Variants in STON2 observed in about 807,000 individuals in gnomAD.
The protein encoded by STON2 is stonin 2.
In STON2, 29 loss-of-function variants were observed where a neutral mutation model predicts 65.7. The observed-to-expected ratio is 0.44, with a 90% CI of 0.33 to 0.60. The LOEUF (loss-of-function observed/expected upper bound fraction) is 0.60. Among genes scored for constraint, STON2 ranks in the 20% least tolerant of loss-of-function variants. The probability of loss-of-function intolerance (pLI) is 0.03; values close to 1 mark genes in which losing one functional copy is unlikely to be tolerated. For synonymous variants in STON2, 404 were observed against 414.2 expected (o/e 0.98, Z 0.30); for missense variants, 1,054 against 1,118.1 (o/e 0.94, Z 0.82).
chr14:81,314,980 G>A (rs904719845), intron 5 of STON2, among the ~76,000 whole-genome samples: 5 of 152,154 alleles, frequency 3.3e-5, no homozygotes, highest in African/African-American at 4.8e-5. Flanking sequence ...AAAGTGTTGG[G>A]ATTACAGGCG....
intron 4 of STON2, among the ~76,000 whole-genome samples, chr14:81,362,303 T>G (rs1417483017): frequency 6.6e-6 from 1 of 152,142 alleles, no homozygotes; most frequent in Non-Finnish European, 1.5e-5. Context: ...TATTTAGCCT[T>G]TAAAAAGAAA....
At chr14:81,428,116 G>A (rs190151090) in intron 1 of STON2, among the ~76,000 whole-genome samples, 1 of 152,286 alleles carries the variant, frequency 6.6e-6, no homozygotes, top group East Asian at 1.9e-4. Context: ...ACTCAGCAGT[G>A]GACGTAAAAC....
chr14:81,280,733 G>A (rs560649140), intron 5 of STON2, among the ~76,000 whole-genome samples: 20 of 152,148 alleles, frequency 1.3e-4, no homozygotes, highest in Non-Finnish European at 2.5e-4. Context: ...AGGCTAGGCC[G>A]GGCACGGTGG....
At chr14:81,274,126 C>T (rs1894710756) in intron 6 of STON2, among the ~76,000 whole-genome samples, 1 of 152,126 alleles carries the variant, frequency 6.6e-6, no homozygotes, top group East Asian at 1.9e-4. Context: ...AGATCCTATA[C>T]ACCTCAAGTT....
chr14:81,345,717 T>C (rs1897785130), intron 4 of STON2, among the ~76,000 whole-genome samples: 1 of 151,990 alleles, frequency 6.6e-6, no homozygotes, highest in Non-Finnish European at 1.5e-5. Context: ...ACCAAGATCA[T>C]GCTGCTGCAC....
In STON2 at chr14:81,267,614, CT is replaced by C; in HGVS notation, c.*799del. On this transcript the variant is annotated 3_prime_UTR_variant, in exon 8 of 8. Transcript: ENST00000614646. ...ACTGAGATTGAATCTACCTCTTGAA[CT>C]GAACATCATCTTATATTTAATGTCT... is the stretch of plus-strand genomic sequence containing the variant. 1.0e-6 allele frequency: 1 copy of C among 985,362 alleles called. No homozygotes were observed. The highest frequency in any genetic ancestry group is 1.2e-6 in the Non-Finnish European group (1 of 829,914). 61.0% of individuals were successfully genotyped at this position (985,362 alleles called of 1,614,324 possible). A position where few individuals can be genotyped will look rare whatever the true frequency, so the allele number is the denominator to read the frequency against.
intron 5 of STON2, among the ~76,000 whole-genome samples, chr14:81,283,744 T>C (rs1221360483): frequency 6.6e-6 from 1 of 152,164 alleles, no homozygotes; most frequent in African/African-American, 2.4e-5. Context: ...TTAGCCAGGA[T>C]GGTCTCGATC....
chr14:81,326,343 C>T (rs1871247889), intron 4 of STON2, among the ~76,000 whole-genome samples: 2 of 152,112 alleles, frequency 1.3e-5, no homozygotes, highest in South Asian at 4.2e-4. Flanking sequence ...ATCTAATAAT[C>T]ATGTAAAATA....
chr14:81,427,593 C>T (rs1902042829), intron 1 of STON2, among the ~76,000 whole-genome samples: 2 of 152,042 alleles, frequency 1.3e-5, no homozygotes, highest in African/African-American at 4.8e-5. Context: ...CACAGCCCCG[C>T]CTATGCCAAT....
At chr14:81,356,377 A>C (rs1898232373) in intron 4 of STON2, among the ~76,000 whole-genome samples, 1 of 152,208 alleles carries the variant, frequency 6.6e-6, no homozygotes, top group South Asian at 2.1e-4. Flanking sequence ...CGTGGTGGAT[A>C]AGCTTTTTGA....
Position 81,413,020 on chromosome 14 carries a change from G to A in STON2, c.-199+14082C>T, listed in dbSNP as rs1233168397. ...AAAATGCGGACATGTCGGAAGAGAC[G>A]CAGCAGAACTCGGTGGAGTGCGCTC... On this transcript the variant is annotated intron_variant, in intron 2 of 8. Coordinates refer to the STON2 transcript ENST00000553821. 1.1e-5 allele frequency: 12 copies of A among 1,059,952 alleles called. 2 individuals carry two copies. In the East Asian group the frequency reaches 1.2e-4, roughly 11 times the overall value. 65.7% of individuals were successfully genotyped at this position (1,059,952 alleles called of 1,614,324 possible). A position where few individuals can be genotyped will look rare whatever the true frequency, so the allele number is the denominator to read the frequency against.
chr14:81,325,356 G>A (rs1896969316), intron 4 of STON2, among the ~76,000 whole-genome samples: 1 of 152,108 alleles, frequency 6.6e-6, no homozygotes, highest in Admixed American at 6.5e-5. Context: ...AGGACCTACA[G>A]TGTGCCACGT....
intron 4 of STON2, among the ~76,000 whole-genome samples, chr14:81,351,187 T>C (rs1898009961): frequency 1.3e-5 from 2 of 151,288 alleles, no homozygotes; most frequent in African/African-American, 4.8e-5. Context: ...TCTTTTTTTT[T>C]TTTTTTTTCT....
At chr14:81,330,011 G>A (rs1897151236) in intron 4 of STON2, among the ~76,000 whole-genome samples, 1 of 152,170 alleles carries the variant, frequency 6.6e-6, no homozygotes, top group African/African-American at 2.4e-5. Context: ...AGGGAAAGGG[G>A]GAATATTAAC....
intron 4 of STON2, among the ~76,000 whole-genome samples, chr14:81,352,563 T>A (rs1898065240): frequency 6.6e-6 from 1 of 152,136 alleles, no homozygotes; most frequent in Non-Finnish European, 1.5e-5. Context: ...GAGTGACCCT[T>A]CCTGAGGGCC....
At chr14:81,409,503 T>C (rs1323120470) in intron 2 of STON2, among the ~76,000 whole-genome samples, 1 of 151,970 alleles carries the variant, frequency 6.6e-6, no homozygotes, top group South Asian at 2.1e-4. Flanking sequence ...TTGTCTTATT[T>C]TTTACCAGTT....
intron 4 of STON2, among the ~76,000 whole-genome samples, chr14:81,340,846 C>A (rs1225333432): frequency 1.3e-5 from 2 of 151,438 alleles, no homozygotes; most frequent in Non-Finnish European, 2.9e-5. Flanking sequence ...TATCTAAATA[C>A]TATTAATATA....
intron 4 of STON2, among the ~76,000 whole-genome samples, chr14:81,348,182 C>G (rs1242394551): frequency 1.3e-5 from 2 of 152,176 alleles, no homozygotes; most frequent in South Asian, 4.1e-4. Context: ...AAGCAGAAAG[C>G]CTTTCCTCTC....
intron 2 of STON2, among the ~76,000 whole-genome samples, chr14:81,415,027 C>T (rs1045829647): frequency 6.6e-6 from 1 of 152,060 alleles, no homozygotes; most frequent in Non-Finnish European, 1.5e-5. Context: ...TGGAGACTCT[C>T]TTATGATCCC....
Sources: allele counts gnomAD v4.1 joint callset (sites outside exome capture counted in the v4.1 genomes callset), GRCh38; gene constraint gnomAD v4.1.1; transcripts MANE v1.5; gene names NCBI Gene and HGNC (gene_info 2026-07-23, HGNC 2026-07-21).